NRXN1: variants seen among roughly 807,000 people sequenced by gnomAD.
NRXN1 encodes the protein neurexin 1, also known as neurexin-1.
In NRXN1, 39 loss-of-function variants were observed where a neutral mutation model predicts 150.9. The observed-to-expected ratio is 0.26, with a 90% CI of 0.20 to 0.34. The LOEUF (loss-of-function observed/expected upper bound fraction) is 0.34. NRXN1 is among the 10% of genes least tolerant of loss of function. NRXN1 has a pLI of 1.00. For missense variants in NRXN1, 1,815 were observed against 1,949.9 expected (o/e 0.93, Z 1.30); for synonymous variants, 924 against 757.0 (o/e 1.22, Z -3.62).
chr2:50,827,342 G>C (rs1670596779), intron 5 of NRXN1, among the ~76,000 whole-genome samples: 1 of 152,130 alleles, frequency 6.6e-6, no homozygotes, highest in African/African-American at 2.4e-5. Flanking sequence ...ATAGCAGTTA[G>C]TTTTTTGAAG....
intron 17 of NRXN1, among the ~76,000 whole-genome samples, chr2:50,296,465 C>G (rs2073574796): frequency 1.3e-5 from 2 of 151,838 alleles, no homozygotes; most frequent in Non-Finnish European, 2.9e-5. Flanking sequence ...CTGAATAGTT[C>G]CCAGTGTCTG....
intron 21 of NRXN1, among the ~76,000 whole-genome samples, chr2:50,005,187 C>T (rs1369296): frequency 0.16 from 24,979 of 151,984 alleles, 2,644 homozygotes; most frequent in Middle Eastern, 0.23. Context: ...TTATCAAGTG[C>T]CAGGCAAAAA....
intron 17 of NRXN1, among the ~76,000 whole-genome samples, chr2:50,258,192 A>G (rs1372223028): frequency 6.6e-6 from 1 of 152,002 alleles, no homozygotes; most frequent in African/African-American, 2.4e-5. Flanking sequence ...ACTCTACACA[A>G]AAGTTTTCTC....
intron 18 of NRXN1, among the ~76,000 whole-genome samples, chr2:50,158,064 AGTGTGTGTGTGTGTGTGTGTGTGT>A (rs71401060): frequency 1.5e-5 from 2 of 134,000 alleles, no homozygotes; most frequent in Admixed American, 1.5e-4. Context: ...TAAGAAGTTG[AGTGTGTGTGTGTGTGTGTGTGTGT>A]GTGTGTGTGT....
At chr2:50,914,559 T>C (rs1164629129) in intron 5 of NRXN1, among the ~76,000 whole-genome samples, 3 of 151,686 alleles carry the variant, frequency 2.0e-5, no homozygotes, top group Non-Finnish European at 4.4e-5. Context: ...CCTTTGACCA[T>C]CAGTGGTTGT....
chr2:50,383,860 G>C (rs1028760974), intron 17 of NRXN1, among the ~76,000 whole-genome samples: 3 of 152,216 alleles, frequency 2.0e-5, no homozygotes, highest in Admixed American at 6.5e-5. Flanking sequence ...TCTCACCACT[G>C]TGGAAAGTAC....
intron 5 of NRXN1, among the ~76,000 whole-genome samples, chr2:50,651,163 T>A (rs781407986): frequency 5.3e-5 from 8 of 152,104 alleles, no homozygotes; most frequent in Non-Finnish European, 8.8e-5. Flanking sequence ...ATTCTTAGGC[T>A]TATTTTATTT....
At position 50,508,429 on chromosome 2, in the gene NRXN1, C is replaced by T. The variant is rs532955361; in HGVS notation, c.2375-1812G>A. 4.0e-5 allele frequency among the ~76,000 whole-genome samples: 6 copies of T among 149,880 alleles called. No homozygotes were observed. The South Asian group carries it at 6.4e-4, about 16-fold the overall frequency. ...GTTCCAGGATGAAAAAAAAAAAACT[C>T]TTTCTAAATTCAATAGTGAAGAAAG... On this transcript the variant is annotated intron_variant, in intron 12 of 22. Transcript: ENST00000401669.
intron 19 of NRXN1, among the ~76,000 whole-genome samples, chr2:50,058,090 A>T (rs901916963): frequency 2.0e-5 from 3 of 152,172 alleles, no homozygotes; most frequent in Non-Finnish European, 2.9e-5. Flanking sequence ...ACATACATAG[A>T]ATTTGTCCTC....
chr2:50,495,378 GTGGTGT>G (rs1481182348), intron 15 of NRXN1, among the ~76,000 whole-genome samples: 770 of 8,258 alleles, frequency 0.093, no homozygotes, highest in Non-Finnish European at 0.13. Context: ...GTGTGTGTGT[GTGGTGT>G]GTGTGTGTGT....
At position 50,986,486 on chromosome 2, in the gene NRXN1, T is replaced by C. The variant is rs895988540; in HGVS notation, c.772+41016A>G. Among the ~76,000 whole-genome samples the C allele has an allele frequency of 1.1e-4, 16 of 151,774 alleles. No individual in the cohort carries two copies. The East Asian group carries it at 2.9e-3, about 28-fold the overall frequency. On this transcript the variant is annotated intron_variant, in intron 2 of 22. Coordinates refer to ENST00000401669, the MANE Select transcript of NRXN1 (RefSeq NM_001330078.2). ...ATACATCATCTTCTATGCCAGAAAA[T>C]ACTGCGCAGATTTTTTTTTGAAAAC...
chr2:49,924,858 TAGC>T lies in NRXN1; in HGVS notation c.4217-2610_4217-2608del, dbSNP rs528204180. Among the ~76,000 whole-genome samples, 3 of 152,356 alleles carry T rather than the reference TAGC, an allele frequency of 2.0e-5. No homozygotes were observed. In the East Asian group the frequency reaches 5.8e-4, roughly 29 times the overall value. ...CACATTAAAATTTTAATAACCATCA[TAGC>T]AGATATTATTATAGGTATGTTCGGA... On this transcript the variant is annotated intron_variant, in intron 22 of 22. Transcript: ENST00000401669.
chr2:50,028,752 G>T (rs1688753759), intron 21 of NRXN1, among the ~76,000 whole-genome samples: 1 of 152,162 alleles, frequency 6.6e-6, no homozygotes, highest in Admixed American at 6.5e-5. Flanking sequence ...TCTTACATTT[G>T]TTTTTTCTCA....
intron 12 of NRXN1, among the ~76,000 whole-genome samples, chr2:50,512,762 T>A (rs10190305): frequency 0.84 from 127,422 of 152,202 alleles, 53,509 homozygotes; most frequent in African/African-American, 0.87. Flanking sequence ...ATTTATATTT[T>A]TACATATTCA....
At chr2:50,944,003 T>A (rs938409880) in intron 2 of NRXN1, among the ~76,000 whole-genome samples, 5 of 152,172 alleles carry the variant, frequency 3.3e-5, no homozygotes, top group African/African-American at 9.7e-5. Context: ...CCATCTTGCA[T>A]CTCTGATAAA....
At chr2:50,953,666 G>A (rs551364918) in intron 2 of NRXN1, among the ~76,000 whole-genome samples, 3 of 151,508 alleles carry the variant, frequency 2.0e-5, no homozygotes, top group East Asian at 2.0e-4. Context: ...AGGTTCAAGC[G>A]ATTCTCCTGC....
chr2:50,777,798 A>G (rs1703847201), intron 5 of NRXN1, among the ~76,000 whole-genome samples: 1 of 152,198 alleles, frequency 6.6e-6, no homozygotes, highest in South Asian at 2.1e-4. Context: ...TGGACTGAGA[A>G]TTAGGCCTTG....
chr2:50,984,201 T>G (rs893986149), intron 2 of NRXN1, among the ~76,000 whole-genome samples: 2 of 140,088 alleles, frequency 1.4e-5, no homozygotes, highest in Non-Finnish European at 3.1e-5. Context: ...GCTAGGCTGG[T>G]CTCAAACTCC....
At chr2:50,536,349 C>T (rs577317600) in intron 10 of NRXN1, among the ~76,000 whole-genome samples, 95 of 152,328 alleles carry the variant, frequency 6.2e-4, no homozygotes, top group South Asian at 2.9e-3. Context: ...CAGATAAAGA[C>T]GTATGCTGAA....
Sources: gnomAD v4.1 joint callset for allele counts (sites outside exome capture counted in the v4.1 genomes callset) on GRCh38, gnomAD v4.1.1 for gene constraint, MANE v1.5 for transcripts, NCBI Gene and HGNC (gene_info 2026-07-23, HGNC 2026-07-21) for gene names.